VNN2: variants seen among roughly 807,000 people sequenced by gnomAD.
VNN2 encodes the protein vanin 2.
Under a neutral mutation model 43.0 loss-of-function variants are expected in VNN2, and 43 were observed. The observed-to-expected ratio is 1.00, with a 90% CI of 0.78 to 1.29. The LOEUF (loss-of-function observed/expected upper bound fraction) is 1.29. Among genes scored for constraint, VNN2 ranks in the 50% most tolerant of loss-of-function variants. The pLI is 0.00. For missense variants in VNN2, 652 were observed against 619.7 expected (o/e 1.05, Z -0.55); for synonymous variants, 230 against 224.3 (o/e 1.03, Z -0.23).
rs545997269 is a variant in VNN2 at position 132,745,167 on chromosome 6, T to G, written c.1372-676A>C. On this transcript the variant is annotated intron_variant, in intron 6 of 6. Coordinates refer to ENST00000326499, the MANE Select transcript of VNN2 (RefSeq NM_004665.6). ...GGTGCACAGGCTCATGAGAACAGAT[T>G]GTTAAATTTCCAGGAAATTGGACAG... 1.8e-4 allele frequency among the ~76,000 whole-genome samples: 27 copies of G among 152,258 alleles called. 1 individual carries two copies. The South Asian group carries it at 2.7e-3, about 15-fold the overall frequency.
At chr6:132,762,413 G>A (rs768898857), upstream of VNN2, among the ~76,000 whole-genome samples, 15 of 152,168 alleles carry the variant, frequency 9.9e-5, no homozygotes, top group African/African-American at 3.6e-4. Flanking sequence ...GAAAAGCCAG[G>A]CTCCAGTGTT....
In VNN2 at chr6:132,751,367, G is replaced by C; in HGVS notation, c.978C>G (p.Thr326=). ...TTTTCTGTACTGGAAATGGTTTGATGGTGGTGGCGTAGGCATTCCAATTAA... is the reference window on the plus strand; with the variant it reads ...TTTTCTGTACTGGAAATGGTTTGATCGTGGTGGCGTAGGCATTCCAATTAA... ...TAVNWNAYAT[T]IKPFPVQKNT... Residue 326 remains threonine (T), a synonymous_variant, in exon 5 of 7, where the codon ACC becomes ACG. Transcript: ENST00000326499. 1 of 1,614,174 alleles carries C rather than the reference G, an allele frequency of 6.2e-7. No individual in the cohort carries two copies. The highest frequency in any genetic ancestry group is 8.5e-7 in the Non-Finnish European group (1 of 1,180,018).
chr6:132,758,201 C>T (rs575145406), upstream of VNN2, among the ~76,000 whole-genome samples: 153 of 151,896 alleles, frequency 1.0e-3, no homozygotes, highest in African/African-American at 3.4e-3. Context: ...CGCGCCACCA[C>T]GTCCAGCTAA....
Position 132,757,682 on chromosome 6 carries a change from C to T in VNN2, c.202G>A (p.Ala68Thr). Residue 68 changes from alanine to threonine, a missense_variant, in exon 1 of 7, where the codon GCA becomes ACA. By Grantham distance (58) the Ala-to-Thr change is moderately conservative (BLOSUM62 0). Coordinates refer to ENST00000326499, the MANE Select transcript of VNN2 (RefSeq NM_004665.6). ...AAATAAGAGAATACCTGCTCAGCTG[C>T]CTGCTTGATCGCTGTCTCCAGAATG... Reference protein sequence around the residue: ...IDILETAIKQAAEQGARIIVT... With the variant: ...IDILETAIKQTAEQGARIIVT... The T allele has an allele frequency of 6.2e-7, 1 of 1,614,022 alleles. No homozygotes were observed. Among genetic ancestry groups the T allele is most frequent in the Non-Finnish European group, 8.5e-7 (1 of 1,179,870 alleles).
Position 132,757,890 on chromosome 6 carries a change from G to T in VNN2, c.-7C>A. On this transcript the variant is annotated 5_prime_UTR_variant, in exon 1 of 7. Transcript: ENST00000326499. ...GAAAAGAGGAAGTGACCATGGCCAA[G>T]GTTTAGTGATTTCTGAAAGCAAAAA... 6.2e-7 allele frequency: 1 copy of T among 1,607,142 alleles called. No individual in the cohort carries two copies. The highest frequency in any genetic ancestry group is 8.5e-7 in the Non-Finnish European group (1 of 1,175,504).
chr6:132,757,421 GGGGTCT>G lies in VNN2; in HGVS notation c.333_338del (p.Gln111_Pro113delinsHis). ...GACTAAGATAGTTAAAATACCTGTG[GGGGTCT>G]TGACACGGAATCCAGTTCACCTGAG... On this transcript the variant is annotated inframe_deletion, in exon 2 of 7. Transcript: ENST00000326499. 2 of 1,602,576 alleles carry G rather than the reference GGGGTCT, an allele frequency of 1.2e-6. No homozygotes were observed. The highest frequency in any genetic ancestry group is 1.7e-6 in the Non-Finnish European group (2 of 1,176,352).
chr6:132,756,009 C>T lies in VNN2; in HGVS notation c.371G>A (p.Arg124Lys). 6.2e-7 allele frequency: 1 copy of T among 1,612,728 alleles called. No homozygotes were observed. Among genetic ancestry groups the T allele is most frequent in the Non-Finnish European group, 8.5e-7 (1 of 1,179,474 alleles). ...GTTGTCCTTGGCCAGGCAGCTGAGT[C>T]TTGCTTGTACTGGTGTGTGACCAAA... The part of the protein sequence containing the change: ...HRFGHTPVQA[R>K]LSCLAKDNSI... Residue 124 changes from arginine to lysine, a missense_variant, in exon 3 of 7, where the codon AGA becomes AAA. Physicochemically the swap from Arg to Lys is conservative, Grantham distance 26. Transcript: ENST00000326499.
intron 3 of VNN2, 144 bp downstream of exon 3, chr6:132,755,699 C>G: frequency 1.1e-6 from 1 of 901,930 alleles, no homozygotes; most frequent in Non-Finnish European, 1.6e-6. Flanking sequence ...CTTTATTGCC[C>G]ACTTTCAAAA....
intron 4 of VNN2, 40 bp from the exon 5 acceptor site, chr6:132,751,558 C>T: frequency 6.4e-7 from 1 of 1,555,672 alleles, no homozygotes. Context: ...CAACACCACA[C>T]ACAAAAAAAC....
In VNN2 at chr6:132,744,288, T is replaced by C. The variant is rs1475173543; in HGVS notation, c.*12A>G. The C allele has an allele frequency of 1.9e-6, 3 of 1,595,872 alleles. No individual in the cohort carries two copies. Among genetic ancestry groups the C allele is most frequent in the Non-Finnish European group, 2.6e-6 (3 of 1,174,328 alleles). On this transcript the variant is annotated 3_prime_UTR_variant, in exon 7 of 7. Transcript: ENST00000326499. ...AGCATATGATGCAGAAGCTGAGTGA[T>C]AAAGAGACGCCCTATAACATTACAA...
intron 5 of VNN2, 128 bp downstream of exon 5, chr6:132,751,017 G>T: frequency 9.3e-7 from 1 of 1,079,580 alleles, no homozygotes; most frequent in Non-Finnish European, 1.3e-6. Flanking sequence ...TGTGTTGTGT[G>T]TGTGTGTGTT....
intron 3 of VNN2, chr6:132,753,495 T>G (rs1355631384): frequency 8.8e-6 from 4 of 455,066 alleles, no homozygotes; most frequent in Non-Finnish European, 1.8e-5. Flanking sequence ...TGCCCACCTT[T>G]CAAAATTACC....
At chr6:132,748,764 A>G (rs1485924554) in intron 6 of VNN2, among the ~76,000 whole-genome samples, 1 of 152,230 alleles carries the variant, frequency 6.6e-6, no homozygotes, top group African/African-American at 2.4e-5. Context: ...AGCTACAGCC[A>G]CTGTAATTTA....
intron 3 of VNN2, among the ~76,000 whole-genome samples, chr6:132,755,532 C>T (rs1294479916): frequency 6.6e-6 from 1 of 151,904 alleles, no homozygotes; most frequent in Non-Finnish European, 1.5e-5. Flanking sequence ...TGCCATCACG[C>T]CCCGCTAATT....
Position 132,757,317 on chromosome 6 carries a change from A to T in VNN2, c.344+99T>A, listed in dbSNP as rs1031177468. 2.9e-6 allele frequency: 4 copies of T among 1,399,518 alleles called. No individual in the cohort carries two copies. In the Admixed American group the frequency reaches 9.8e-5, roughly 34 times the overall value. The allele number at this position is 1,399,518 out of a possible 1,614,324, so 86.7% of individuals were successfully genotyped here. On this transcript the variant is annotated intron_variant, in intron 2 of 6. Transcript: ENST00000326499. ...TGAGATAAATATAACCATAACATATACCACATATATGGTAATTCAAGAGCA... is the reference window on the plus strand; with the variant it reads ...TGAGATAAATATAACCATAACATATTCCACATATATGGTAATTCAAGAGCA...
chr6:132,747,478 G>A (rs141729090), intron 6 of VNN2, among the ~76,000 whole-genome samples: 71 of 152,146 alleles, frequency 4.7e-4, no homozygotes, highest in African/African-American at 1.6e-3. Flanking sequence ...GTAGCTGGGC[G>A]TGGTGGCATG....
At chr6:132,756,805 A>T (rs1328645252) in intron 2 of VNN2, among the ~76,000 whole-genome samples, 3 of 152,078 alleles carry the variant, frequency 2.0e-5, no homozygotes, top group African/African-American at 7.2e-5. Context: ...CTGACATTTG[A>T]TTTTCTATCT....
At chr6:132,761,360 A>C (rs1175937961), upstream of VNN2, among the ~76,000 whole-genome samples, 1 of 151,894 alleles carries the variant, frequency 6.6e-6, no homozygotes, top group Non-Finnish European at 1.5e-5. Flanking sequence ...CACCATAAAA[A>C]AAAAAAAAAC....
intron 5 of VNN2, 24 bp downstream of exon 5, chr6:132,751,121 C>T (rs201636759): frequency 4.5e-6 from 7 of 1,547,102 alleles, no homozygotes; most frequent in East Asian, 4.5e-5. Flanking sequence ...CACTTGAATG[C>T]CCTTTCATTT....
Sources: gnomAD v4.1 joint callset for allele counts (sites outside exome capture counted in the v4.1 genomes callset) on GRCh38, gnomAD v4.1.1 for gene constraint, MANE v1.5 for transcripts, NCBI Gene and HGNC (gene_info 2026-07-23, HGNC 2026-07-21) for gene names.